Variants in ACVR1 observed in about 807,000 individuals in gnomAD.
The protein encoded by ACVR1 is activin receptor type-1.
ACVR1 carries 38 observed loss-of-function variants against 57.1 expected under a neutral mutation model. That is an observed-to-expected ratio of 0.67 (90% CI 0.51 to 0.87). The LOEUF (loss-of-function observed/expected upper bound fraction) is 0.87, where lower values mean the gene tolerates loss of function less well. ACVR1 is among the 40% of genes least tolerant of loss of function. The pLI is 0.00. For missense variants in ACVR1, 463 were observed against 638.2 expected, an observed-to-expected ratio of 0.73 and a Z score of 2.96; for synonymous variants, 212 against 228.1, an observed-to-expected ratio of 0.93 and a Z score of 0.63.
At chr2:157,807,869 G>GGGGGGA (rs1574090238) in intron 2 of ACVR1, among the ~76,000 whole-genome samples, 1 of 44,658 alleles carries the variant, frequency 2.2e-5, no homozygotes, top group Non-Finnish European at 4.3e-5. Context: ...GGGGGGGTGG[G>GGGGGGA]TATAAGATGA....
rs868052072 is a variant in ACVR1, at chr2:157,851,734, G to A, written c.-183+24062C>T. Among the ~76,000 whole-genome samples the A allele has an allele frequency of 2.0e-4, 31 of 152,242 alleles. 1 individual carries two copies. Among genetic ancestry groups the A allele is most frequent in the African/African-American group, 7.5e-4 (31 of 41,542 alleles). On this transcript the variant is annotated intron_variant, in intron 1 of 10. Coordinates refer to ENST00000434821, the MANE Select transcript of ACVR1 (RefSeq NM_001111067.4). ...ACTTTGTAGAATTTCAGTGAAGGCT[G>A]AGGATTCACTCAGAGGGTAAAATGC...
intron 9 of ACVR1, among the ~76,000 whole-genome samples, chr2:157,740,425 C>G (rs1684707956): frequency 6.6e-6 from 1 of 152,208 alleles, no homozygotes; most frequent in Non-Finnish European, 1.5e-5. Flanking sequence ...CTAACAGACA[C>G]CATCTAAAAT....
chr2:157,843,726 C>T (rs1246128672), intron 1 of ACVR1, among the ~76,000 whole-genome samples: 2 of 152,158 alleles, frequency 1.3e-5, no homozygotes, highest in African/African-American at 2.4e-5. Context: ...CAATAGAATA[C>T]TGGCACTGTA....
rs201333285 is a variant in ACVR1 at position 157,799,370 on chromosome 2, C to G, written c.67+57G>C. ...GGCTTAAGAAGTAGTTTATAGTAAG[C>G]CAAAAAAAAAAATCACAGTATACTT... On this transcript the variant is annotated intron_variant, in intron 3 of 10. Transcript: ENST00000434821. The G allele has an allele frequency of 6.0e-6, 4 of 662,900 alleles. No individual in the cohort carries two copies. In the Admixed American group the frequency reaches 1.1e-4, roughly 17 times the overall value. The allele number at this position is 662,900 out of a possible 1,614,324, so 41.1% of individuals were successfully genotyped here. A position where few individuals can be genotyped will look rare whatever the true frequency, so the allele number is the denominator to read the frequency against.
At chr2:157,860,450 T>C (rs1248659745) in intron 1 of ACVR1, among the ~76,000 whole-genome samples, 1 of 152,208 alleles carries the variant, frequency 6.6e-6, no homozygotes, top group Non-Finnish European at 1.5e-5. Context: ...TACAAAGACT[T>C]CCACTGTGGA....
intron 1 of ACVR1, among the ~76,000 whole-genome samples, chr2:157,821,018 A>C (rs1446538524): frequency 1.3e-5 from 2 of 152,202 alleles, no homozygotes; most frequent in East Asian, 3.8e-4. Context: ...GTGTACTATA[A>C]GAAAGACAAG....
intron 6 of ACVR1, among the ~76,000 whole-genome samples, chr2:157,771,706 A>C (rs73966124): frequency 0.013 from 2,018 of 152,338 alleles, 49 homozygotes; most frequent in African/African-American, 0.045. Context: ...CACCTGAATC[A>C]TAATCACAAC....
At position 157,760,857 on chromosome 2, in the gene ACVR1, A is replaced by C. The variant is rs778580243; in HGVS notation, c.1264+23T>G. The stretch of plus-strand genomic sequence containing the variant: ...TCAAGAGAACTTGGATTAAGACAAT[A>C]TTATATTAGATTAGATACCTACCAT... On this transcript the variant is annotated intron_variant, in intron 9 of 10. Coordinates refer to ENST00000434821, the MANE Select transcript of ACVR1 (RefSeq NM_001111067.4). 20 of 1,610,994 alleles carry C rather than the reference A, an allele frequency of 1.2e-5. No homozygotes were observed. The South Asian group carries it at 2.2e-4, about 18-fold the overall frequency.
chr2:157,837,143 T>C (rs1688811414), intron 1 of ACVR1, among the ~76,000 whole-genome samples: 1 of 152,260 alleles, frequency 6.6e-6, no homozygotes, highest in South Asian at 2.1e-4. Flanking sequence ...CTTCCCCATG[T>C]ATAGTAATGA....
intron 9 of ACVR1, among the ~76,000 whole-genome samples, chr2:157,742,744 G>A (rs1467931350): frequency 2.0e-5 from 3 of 152,156 alleles, no homozygotes; most frequent in Admixed American, 6.5e-5. Flanking sequence ...TGAAAAGCAT[G>A]AAACGCCAGT....
At chr2:157,789,512 G>A (rs899665562) in intron 3 of ACVR1, among the ~76,000 whole-genome samples, 1 of 152,202 alleles carries the variant, frequency 6.6e-6, no homozygotes, top group African/African-American at 2.4e-5. Context: ...TATCTACAAA[G>A]GGTCACTTTT....
In ACVR1 at chr2:157,773,406, T is replaced by G. The variant is rs139671449; in HGVS notation, c.643+682A>C. On this transcript the variant is annotated intron_variant, in intron 6 of 10. Transcript: ENST00000434821. ...AGAAGCAATGTGTGCAAAATCTTTT[T>G]CAAGCAGTATGGTTATAGTTACACT... 2.1e-3 allele frequency among the ~76,000 whole-genome samples: 317 copies of G among 152,350 alleles called. 3 individuals are homozygous for G. Among genetic ancestry groups the G allele is most frequent in the African/African-American group, 6.8e-3 (283 of 41,584 alleles).
chr2:157,818,849 C>T (rs1002721668), intron 1 of ACVR1, among the ~76,000 whole-genome samples: 29 of 151,924 alleles, frequency 1.9e-4, no homozygotes, highest in African/African-American at 6.8e-4. Context: ...GAGGCCGAGG[C>T]GGGCGGATCA....
chr2:157,864,130 G>A (rs1169753458), intron 1 of ACVR1, among the ~76,000 whole-genome samples: 1 of 151,760 alleles, frequency 6.6e-6, no homozygotes, highest in African/African-American at 2.4e-5. Context: ...CCAAAGTGCT[G>A]GGATTACAGG....
chr2:157,855,308 G>GTGTGTATA (rs1307480066), intron 1 of ACVR1, among the ~76,000 whole-genome samples: 854 of 51,532 alleles, frequency 0.017, 2 homozygotes, highest in Middle Eastern at 0.04. Context: ...GTGTGTGTGT[G>GTGTGTATA]TATATATATA....
At position 157,780,546 on chromosome 2, in the gene ACVR1, G is replaced by A. The variant is rs55957214; in HGVS notation, c.122C>T (p.Ser41Phe). The change falls in exon 4 of 11, where the codon TCC becomes TTC. Residue 41 changes from serine to phenylalanine, a missense_variant. Physicochemically the swap from Ser to Phe is radical, Grantham distance 155. This residue lies in a region of ACVR1 where 203 missense variants were observed against 235.5 expected (regional missense o/e 0.86). Coordinates refer to ENST00000434821, the MANE Select transcript of ACVR1 (RefSeq NM_001111067.4). ...KLYMCVCEGL[S>F]CGNEDHCEGQ... ...TTCACAGTGGTCCTCATTACCGCAG[G>A]AGAGACCTTCACACACACACATGTA... 21 of 1,613,800 alleles carry A rather than the reference G, an allele frequency of 1.3e-5. No homozygotes were observed. The highest frequency in any genetic ancestry group is 1.6e-4 in the Middle Eastern group (1 of 6,084).
At chr2:157,808,450 T>C (rs1687637119) in intron 2 of ACVR1, among the ~76,000 whole-genome samples, 1 of 152,172 alleles carries the variant, frequency 6.6e-6, no homozygotes, top group African/African-American at 2.4e-5. Flanking sequence ...AAGCAGATAT[T>C]TGAGATAAAT....
chr2:157,863,306 C>T (rs1689791074), intron 1 of ACVR1, among the ~76,000 whole-genome samples: 1 of 139,884 alleles, frequency 7.1e-6, no homozygotes, highest in Non-Finnish European at 1.5e-5. Context: ...AGCCACCATG[C>T]CCAGCCTATA....
At chr2:157,783,345 G>A (rs752321776) in intron 3 of ACVR1, among the ~76,000 whole-genome samples, 5 of 152,152 alleles carry the variant, frequency 3.3e-5, no homozygotes, top group African/African-American at 9.7e-5. Flanking sequence ...CCTGGCAGAC[G>A]TTTGGACTAT....
Sources: gnomAD v4.1 joint callset for allele counts (sites outside exome capture counted in the v4.1 genomes callset) on GRCh38, gnomAD v4.1.1 for gene constraint, gnomAD v4.1.1 regional missense constraint, MANE v1.5 for transcripts, NCBI Gene and HGNC (gene_info 2026-07-23, HGNC 2026-07-21) for gene names.